MEIKIN: variants seen among roughly 807,000 people sequenced by gnomAD.
The protein encoded by MEIKIN is meiotic kinetochore factor.
chr5:131,838,616 C>T (rs1490039808), intron 11 of MEIKIN, among the ~76,000 whole-genome samples: 1 of 151,864 alleles, frequency 6.6e-6, no homozygotes, highest in Non-Finnish European at 1.5e-5. Context: ...TCCATTTATT[C>T]CAGAATTTCT....
intron 11 of MEIKIN, among the ~76,000 whole-genome samples, chr5:131,820,670 G>A (rs1306305837): frequency 1.3e-5 from 2 of 152,124 alleles, no homozygotes; most frequent in Admixed American, 6.5e-5. Context: ...TCTTTACTGG[G>A]AGACTATTAT....
rs190004278 is a variant in MEIKIN, at chr5:131,877,675, C to T, written c.774+1303G>A. 2.6e-5 allele frequency among the ~76,000 whole-genome samples: 4 copies of T among 151,972 alleles called. No individual in the cohort carries two copies. In the South Asian group the frequency reaches 6.2e-4, roughly 24 times the overall value. ...AACAAAAGAAAACAAAAAAAGACCCCGATGCCATGCCTAACGTAATGATTC... is the reference window on the plus strand; with the variant it reads ...AACAAAAGAAAACAAAAAAAGACCCTGATGCCATGCCTAACGTAATGATTC... On this transcript the variant is annotated intron_variant, in intron 9 of 12. Transcript: ENST00000442687.
At chr5:131,897,297 T>C (rs1350727968) in intron 8 of MEIKIN, among the ~76,000 whole-genome samples, 4 of 152,236 alleles carry the variant, frequency 2.6e-5, no homozygotes, top group Non-Finnish European at 4.4e-5. Flanking sequence ...CCAACCTTTC[T>C]CTCTGGCTGC....
intron 4 of MEIKIN, among the ~76,000 whole-genome samples, chr5:131,934,743 C>A (rs993746518): frequency 3.3e-5 from 5 of 152,030 alleles, no homozygotes; most frequent in Non-Finnish European, 4.4e-5. Flanking sequence ...TTAAAACGTC[C>A]CTTCAAAAGA....
rs963504391 is a variant in MEIKIN, at chr5:131,858,126, G to C, written c.775-3292C>G. Reference sequence around the variant, plus strand: ...GCGAGTTCCTAAGCTCCTGAGACCAGAGAACAAAGCTGGGGGCCTGGTACC... The same window carrying C: ...GCGAGTTCCTAAGCTCCTGAGACCACAGAACAAAGCTGGGGGCCTGGTACC... On this transcript the variant is annotated intron_variant, in intron 9 of 12. Coordinates refer to ENST00000442687, the MANE Select transcript of MEIKIN (RefSeq NM_001303622.2). 2.0e-5 allele frequency among the ~76,000 whole-genome samples: 3 copies of C among 152,238 alleles called. 1 individual carries two copies. The highest frequency in any genetic ancestry group is 2.9e-5 in the Non-Finnish European group (2 of 68,046).
At chr5:131,920,388 G>A (rs1751484626) in intron 6 of MEIKIN, among the ~76,000 whole-genome samples, 1 of 152,200 alleles carries the variant, frequency 6.6e-6, no homozygotes, top group African/African-American at 2.4e-5. Flanking sequence ...AATAAAGGTT[G>A]AAGTCAGCTG....
At chr5:131,818,482 C>G (rs189270199) in intron 12 of MEIKIN, among the ~76,000 whole-genome samples, 108 of 151,902 alleles carry the variant, frequency 7.1e-4, no homozygotes, top group Middle Eastern at 3.4e-3. Context: ...GTGCAGTGAC[C>G]TGATGATAGC....
chr5:131,834,882 C>A (rs1413431942), intron 11 of MEIKIN, among the ~76,000 whole-genome samples: 1 of 151,984 alleles, frequency 6.6e-6, no homozygotes, highest in Non-Finnish European at 1.5e-5. Flanking sequence ...ATCCTTTTTT[C>A]CATAACAATG....
intron 9 of MEIKIN, 166 bp downstream of exon 9, chr5:131,878,812 C>T (rs1442931491): frequency 2.7e-6 from 1 of 368,964 alleles, no homozygotes; most frequent in Non-Finnish European, 4.8e-6. Flanking sequence ...AAGTTCAAGG[C>T]TGTAGTGAGC....
intron 11 of MEIKIN, among the ~76,000 whole-genome samples, chr5:131,848,627 C>A (rs1750058889): frequency 6.6e-6 from 1 of 152,126 alleles, no homozygotes; most frequent in Admixed American, 6.6e-5. Context: ...ACTTCTCTAA[C>A]TTTCCAAGAA....
intron 9 of MEIKIN, among the ~76,000 whole-genome samples, chr5:131,874,179 A>G (rs930269144): frequency 1.3e-5 from 2 of 152,166 alleles, no homozygotes; most frequent in African/African-American, 2.4e-5. Flanking sequence ...ACACAAAAAA[A>G]CCCTTCGAAA....
chr5:131,843,729 T>C (rs1181635502), intron 11 of MEIKIN, among the ~76,000 whole-genome samples: 1 of 152,222 alleles, frequency 6.6e-6, no homozygotes, highest in Non-Finnish European at 1.5e-5. Flanking sequence ...GTCAAAACCA[T>C]TCAACAAGTC....
chr5:131,881,988 G>C (rs1337932418), intron 8 of MEIKIN, among the ~76,000 whole-genome samples: 1 of 152,012 alleles, frequency 6.6e-6, no homozygotes, highest in African/African-American at 2.4e-5. Context: ...TCCCAACTTG[G>C]TCTGCCCTAT....
chr5:131,929,108 T>G (rs1044376971), intron 5 of MEIKIN, among the ~76,000 whole-genome samples: 1 of 152,222 alleles, frequency 6.6e-6, no homozygotes, highest in African/African-American at 2.4e-5. Context: ...TTTCAGCACT[T>G]TGAATATATC....
At chr5:131,821,403 T>G (rs1206652454) in intron 11 of MEIKIN, among the ~76,000 whole-genome samples, 1 of 152,202 alleles carries the variant, frequency 6.6e-6, no homozygotes, top group Non-Finnish European at 1.5e-5. Context: ...AGACTCATTT[T>G]GTGACCCAAC....
chr5:131,814,598 G>GA (rs913853548), intron 12 of MEIKIN, among the ~76,000 whole-genome samples: 3 of 151,198 alleles, frequency 2.0e-5, no homozygotes, highest in Non-Finnish European at 4.4e-5. Context: ...CTCTCAATGG[G>GA]AAAAAAAAGA....
intron 7 of MEIKIN, among the ~76,000 whole-genome samples, chr5:131,915,809 A>G (rs1751407297): frequency 6.6e-6 from 1 of 152,220 alleles, no homozygotes; most frequent in Admixed American, 6.5e-5. Context: ...ATTTAAAAAA[A>G]AAAATAAATG....
chr5:131,913,728 T>C (rs1370196625), intron 7 of MEIKIN, among the ~76,000 whole-genome samples: 2 of 152,244 alleles, frequency 1.3e-5, no homozygotes, highest in African/African-American at 4.8e-5. Context: ...ATGGGGGTAC[T>C]TGTCAACGAT....
At chr5:131,906,466 G>A (rs530974346) in intron 8 of MEIKIN, among the ~76,000 whole-genome samples, 60 of 152,140 alleles carry the variant, frequency 3.9e-4, no homozygotes, top group African/African-American at 1.1e-3. Flanking sequence ...GTAATTCCTC[G>A]AACAGCTAAA....
Sources: allele counts gnomAD v4.1 joint callset (sites outside exome capture counted in the v4.1 genomes callset), GRCh38; gene constraint gnomAD v4.1.1; transcripts MANE v1.5; gene names NCBI Gene and HGNC (gene_info 2026-07-23, HGNC 2026-07-21).